The following RYR2 variants were observed in gnomAD, a reference collection of about 807,000 sequenced individuals.
The protein encoded by RYR2 is cardiac muscle ryanodine receptor-calcium release channel.
RYR2 carries 227 observed loss-of-function variants against 601.1 expected under a neutral mutation model. The observed-to-expected ratio is 0.38, with a 90% CI of 0.34 to 0.42. RYR2 has a LOEUF of 0.42. RYR2 is among the 10% of genes least tolerant of loss of function. RYR2 has a pLI of 1.00. For missense variants in RYR2, 4,646 were observed against 6,156.5 expected, an observed-to-expected ratio of 0.75 and a Z score of 8.21; for synonymous variants, 2,223 against 2,175.1, an observed-to-expected ratio of 1.02 and a Z score of -0.61.
chr1:237,213,915 C>CTTTT (rs71180008), intron 1 of RYR2, among the ~76,000 whole-genome samples: 32 of 65,476 alleles, frequency 4.9e-4, no homozygotes, highest in Non-Finnish European at 7.0e-4. Flanking sequence ...TTTTCTTTTT[C>CTTTT]TTTTTTTTTT....
intron 1 of RYR2, among the ~76,000 whole-genome samples, chr1:237,164,455 A>G (rs1676414303): frequency 6.6e-6 from 1 of 152,164 alleles, no homozygotes; most frequent in Non-Finnish European, 1.5e-5. Flanking sequence ...CTCTTGGGGT[A>G]CAGTGTAAAC....
At chr1:237,333,102 T>C (rs374653773) in intron 3 of RYR2, among the ~76,000 whole-genome samples, 1 of 152,356 alleles carries the variant, frequency 6.6e-6, no homozygotes, top group East Asian at 1.9e-4. Context: ...CCATCACAGA[T>C]AAAGTAGTAA....
At chr1:237,142,881 A>G (rs1313940289) in intron 1 of RYR2, among the ~76,000 whole-genome samples, 2 of 152,136 alleles carry the variant, frequency 1.3e-5, no homozygotes, top group African/African-American at 2.4e-5. Context: ...CCAGCATTGC[A>G]GGTAATTTCG....
chr1:237,530,400 A>G, intron 24 of RYR2, 27 bp from the exon 25 acceptor site: 2 of 1,536,874 alleles, frequency 1.3e-6, no homozygotes, highest in Non-Finnish European at 1.8e-6. Flanking sequence ...AGAAATGATC[A>G]CACTTATCTC....
intron 27 of RYR2, among the ~76,000 whole-genome samples, chr1:237,559,388 G>C (rs59123049): frequency 0.28 from 42,717 of 151,968 alleles, 6,178 homozygotes; most frequent in South Asian, 0.39. Flanking sequence ...GCAGAACAGA[G>C]TTGGACCACC....
chr1:237,319,518 C>T (rs768765012), intron 2 of RYR2, among the ~76,000 whole-genome samples: 9 of 152,190 alleles, frequency 5.9e-5, no homozygotes, highest in Non-Finnish European at 1.2e-4. Context: ...TGACATGTCT[C>T]TCCTTGATGG....
chr1:237,377,001 CAT>C (rs1361323282), intron 7 of RYR2, among the ~76,000 whole-genome samples: 4 of 152,216 alleles, frequency 2.6e-5, no homozygotes, highest in Middle Eastern at 6.8e-3. Context: ...AGTATAATGA[CAT>C]GTGAGTGTGT....
intron 1 of RYR2, among the ~76,000 whole-genome samples, chr1:237,237,632 A>C (rs986486525): frequency 6.6e-6 from 1 of 152,194 alleles, no homozygotes; most frequent in Non-Finnish European, 1.5e-5. Context: ...CCCTGAAAGA[A>C]ATTGAAGCAT....
At chr1:237,421,868 C>T (rs1705627534) in intron 11 of RYR2, among the ~76,000 whole-genome samples, 2 of 151,974 alleles carry the variant, frequency 1.3e-5, no homozygotes, top group South Asian at 4.1e-4. Context: ...TACACTTTTT[C>T]TTCATAACAT....
chr1:237,167,031 G>A (rs1408097917), intron 1 of RYR2, among the ~76,000 whole-genome samples: 3 of 152,200 alleles, frequency 2.0e-5, no homozygotes, highest in Admixed American at 6.5e-5. Flanking sequence ...CACTGCAGAT[G>A]GGCTATTAAC....
At chr1:237,304,888 A>G (rs1693722718) in intron 2 of RYR2, among the ~76,000 whole-genome samples, 2 of 152,236 alleles carry the variant, frequency 1.3e-5, no homozygotes, top group Admixed American at 1.3e-4. Flanking sequence ...AAAAGTGACA[A>G]CCAAATAGAA....
intron 1 of RYR2, among the ~76,000 whole-genome samples, chr1:237,134,393 G>T (rs1325009131): frequency 6.6e-6 from 1 of 152,134 alleles, no homozygotes; most frequent in Non-Finnish European, 1.5e-5. Flanking sequence ...CACGTGGCTG[G>T]GGAGGCCCCA....
intron 1 of RYR2, among the ~76,000 whole-genome samples, chr1:237,185,292 C>T (rs963895371): frequency 9.2e-5 from 14 of 152,148 alleles, no homozygotes; most frequent in African/African-American, 2.2e-4. Flanking sequence ...CCACCACACC[C>T]GGCTACATAG....
intron 1 of RYR2, among the ~76,000 whole-genome samples, chr1:237,146,355 G>A (rs1673998625): frequency 6.6e-6 from 1 of 152,204 alleles, no homozygotes; most frequent in Non-Finnish European, 1.5e-5. Context: ...AAGGGGCACT[G>A]CCGAATTTAG....
At chr1:237,428,449 G>A (rs1388478877) in intron 12 of RYR2, among the ~76,000 whole-genome samples, 1 of 152,118 alleles carries the variant, frequency 6.6e-6, no homozygotes, top group Non-Finnish European at 1.5e-5. Flanking sequence ...CCTTTGAAGT[G>A]ACATGGATGA....
chr1:237,772,653 A>G (rs1694361206), intron 86 of RYR2, among the ~76,000 whole-genome samples: 1 of 152,168 alleles, frequency 6.6e-6, no homozygotes, highest in East Asian at 1.9e-4. Context: ...GCCCTGTACA[A>G]CTTTTTTCCC....
intron 1 of RYR2, among the ~76,000 whole-genome samples, chr1:237,091,979 G>C (rs905135395): frequency 2.0e-5 from 3 of 152,204 alleles, no homozygotes; most frequent in African/African-American, 7.2e-5. Context: ...AAAATGGAGA[G>C]ATGTTTTGAT....
At chr1:237,580,745 T>C (rs1469595298) in intron 29 of RYR2, among the ~76,000 whole-genome samples, 1 of 152,082 alleles carries the variant, frequency 6.6e-6, no homozygotes, top group Non-Finnish European at 1.5e-5. Context: ...TTAAATGAGG[T>C]AATAGTGTGG....
chr1:237,216,516 G>C (rs986821155), intron 1 of RYR2, among the ~76,000 whole-genome samples: 23 of 151,938 alleles, frequency 1.5e-4, no homozygotes, highest in African/African-American at 5.1e-4. Flanking sequence ...GGCAGGCGGA[G>C]CACCTGATGT....
Sources: gnomAD v4.1 joint callset for allele counts (sites outside exome capture counted in the v4.1 genomes callset) on GRCh38, gnomAD v4.1.1 for gene constraint, MANE v1.5 for transcripts, NCBI Gene and HGNC (gene_info 2026-07-23, HGNC 2026-07-21) for gene names.